TIAL1: variants seen among roughly 807,000 people sequenced by gnomAD.
TIAL1 encodes nucleolysin TIAR.
TIAL1 carries 7 observed loss-of-function variants against 59.7 expected under a neutral mutation model. The observed-to-expected ratio is 0.12, with a 90% CI of 0.07 to 0.22. TIAL1 has a LOEUF of 0.22. Among genes scored for constraint, TIAL1 ranks in the 10% least tolerant of loss-of-function variants. The pLI is 1.00. For synonymous variants in TIAL1, 149 were observed against 146.3 expected (o/e 1.02, Z -0.13); for missense variants, 225 against 462.5 (o/e 0.49, Z 4.71).
intron 1 of TIAL1, among the ~76,000 whole-genome samples, chr10:119,592,728 C>A (rs948417077): frequency 1.3e-5 from 2 of 151,894 alleles, no homozygotes; most frequent in Non-Finnish European, 2.9e-5. Flanking sequence ...GCAGGAGGTA[C>A]AACTAAATTG....
chr10:119,578,933 C>T lies in TIAL1; in HGVS notation c.448-99G>A, dbSNP rs369923671. The stretch of plus-strand genomic sequence containing the variant: ...TCGGCGCTGCTGGTTCCATACAAAT[C>T]AGTAGATGAATTTACTAAATATCCT... On this transcript the variant is annotated intron_variant, in intron 6 of 11. Transcript: ENST00000436547. 2.7e-5 allele frequency: 23 copies of T among 854,796 alleles called. No homozygotes were observed. In the East Asian group the frequency reaches 5.6e-4, roughly 21 times the overall value. The allele number at this position is 854,796 out of a possible 1,614,324, so 53.0% of individuals were successfully genotyped here. A position where few individuals can be genotyped will look rare whatever the true frequency, so the allele number is the denominator to read the frequency against.
At chr10:119,579,835 A>G in intron 6 of TIAL1, 100 bp downstream of exon 6, 1 of 834,960 alleles carries the variant, frequency 1.2e-6, no homozygotes, top group Non-Finnish European at 1.8e-6. Context: ...TTGTGTTTGT[A>G]GTTAACATTC....
chr10:119,588,983 A>T (rs980571999), intron 1 of TIAL1, among the ~76,000 whole-genome samples: 1 of 152,216 alleles, frequency 6.6e-6, no homozygotes, highest in Non-Finnish European at 1.5e-5. Flanking sequence ...TTGTAATAGG[A>T]TATTAAACAT....
chr10:119,580,410 A>C (rs1246286315), intron 5 of TIAL1: 3 of 731,486 alleles, frequency 4.1e-6, no homozygotes, highest in Non-Finnish European at 5.1e-6. Context: ...CTAGTGATAC[A>C]AAATATATGA....
At chr10:119,584,428 T>C (rs1251783200) in intron 2 of TIAL1, among the ~76,000 whole-genome samples, 1 of 151,984 alleles carries the variant, frequency 6.6e-6, no homozygotes, top group African/African-American at 2.4e-5. Flanking sequence ...ATTTTTCACA[T>C]ACTGAAATGA....
intron 1 of TIAL1, among the ~76,000 whole-genome samples, chr10:119,590,915 T>C (rs183213539): frequency 6.6e-6 from 1 of 152,330 alleles, no homozygotes; most frequent in East Asian, 1.9e-4. Context: ...TGGATAAAAC[T>C]GGTTTTCACA....
At chr10:119,589,419 T>C (rs766883139) in intron 1 of TIAL1, among the ~76,000 whole-genome samples, 5 of 152,192 alleles carry the variant, frequency 3.3e-5, no homozygotes, top group Non-Finnish European at 7.3e-5. Flanking sequence ...TTGGCCTGGC[T>C]GGTCTCAAAC....
At chr10:119,578,673 T>C (rs564871499) in intron 7 of TIAL1, 53 bp downstream of exon 7, 3 of 1,403,982 alleles carry the variant, frequency 2.1e-6, no homozygotes, top group East Asian at 2.3e-5. Flanking sequence ...GAATACATGA[T>C]ACATGATTTT....
chr10:119,594,927 G>T (rs1410319277), intron 1 of TIAL1, among the ~76,000 whole-genome samples: 3 of 152,132 alleles, frequency 2.0e-5, no homozygotes, highest in Non-Finnish European at 4.4e-5. Context: ...CCGGCCTGAA[G>T]GACAAATTTC....
At position 119,577,220 on chromosome 10, in the gene TIAL1, A is replaced by G. The variant is rs1845043030; in HGVS notation, c.738-17T>C. 4.4e-6 allele frequency: 7 copies of G among 1,592,698 alleles called. No homozygotes were observed. The Admixed American group carries it at 5.6e-5, about 13-fold the overall frequency. On this transcript the variant is annotated splice_polypyrimidine_tract_variant and intron_variant, in intron 9 of 11. Transcript: ENST00000436547. Reference sequence around the variant, plus strand: ...GTTGAAAATCTAAGAAAGAAAAATGATATGGTTTTGTCTTTTATTTTTTAA... The same window carrying G: ...GTTGAAAATCTAAGAAAGAAAAATGGTATGGTTTTGTCTTTTATTTTTTAA...
intron 2 of TIAL1, among the ~76,000 whole-genome samples, chr10:119,587,784 CATA>C (rs1411057959): frequency 2.0e-5 from 3 of 152,186 alleles, no homozygotes; most frequent in South Asian, 2.1e-4. Context: ...ACACTACACA[CATA>C]ATAACTTCGT....
At chr10:119,588,368 A>C (rs1163374865) in intron 1 of TIAL1, 120 bp from the exon 2 acceptor site, 2 of 553,528 alleles carry the variant, frequency 3.6e-6, no homozygotes, top group African/African-American at 4.0e-5. Flanking sequence ...TTTTAGATGG[A>C]GTTTTGCTCT....
chr10:119,575,335 A>G lies in TIAL1; in HGVS notation c.*330T>C, dbSNP rs144276430. 2 of 214,552 alleles carry G rather than the reference A, an allele frequency of 9.3e-6. No homozygotes were observed. Among genetic ancestry groups the G allele is most frequent in the East Asian group, 1.5e-4 (1 of 6,480 alleles). 13.3% of individuals were successfully genotyped at this position (214,552 alleles called of 1,614,324 possible). ...CAGTGAGTTAAAATACTGAACAGCA[A>G]GATAAAAATGGAATAGTATCTAAGA... On this transcript the variant is annotated 3_prime_UTR_variant, in exon 12 of 12. Transcript: ENST00000436547.
chr10:119,578,589 C>G (rs1453656520), intron 7 of TIAL1, 137 bp downstream of exon 7: 2 of 724,360 alleles, frequency 2.8e-6, no homozygotes, highest in Non-Finnish European at 4.7e-6. Context: ...TAAGATCATG[C>G]CACCGCACTC....
intron 6 of TIAL1, 49 bp downstream of exon 6, chr10:119,579,883 CTAA>C: frequency 7.1e-7 from 1 of 1,416,596 alleles, no homozygotes; most frequent in Middle Eastern, 1.8e-4. Context: ...CATTAAGTAA[CTAA>C]TGACTAAATT....
In TIAL1 at chr10:119,575,778, CAGA is replaced by C. The variant is rs769557645; in HGVS notation, c.1012_1014del (p.Ser338del). 3 of 1,544,036 alleles carry C rather than the reference CAGA, an allele frequency of 1.9e-6. No homozygotes were observed. Among genetic ancestry groups the C allele is most frequent in the Admixed American group, 2.2e-5 (1 of 44,858 alleles). On this transcript the variant is annotated inframe_deletion, in exon 12 of 12. Coordinates refer to ENST00000436547, the MANE Select transcript of TIAL1 (RefSeq NM_003252.4). ...GCACCAAATCCACCCATCCAAGCAG[CAGA>C]AGGTGATTGACTTGGAAGAAAAAGA...
At chr10:119,580,141 C>A in intron 5 of TIAL1, 131 bp from the exon 6 acceptor site, 2 of 655,980 alleles carry the variant, frequency 3.0e-6, no homozygotes, top group South Asian at 2.7e-5. Context: ...TAACTACAAC[C>A]ATTCCTGAAC....
chr10:119,584,593 G>A (rs1054494805), intron 2 of TIAL1, among the ~76,000 whole-genome samples: 1 of 152,138 alleles, frequency 6.6e-6, no homozygotes, highest in Non-Finnish European at 1.5e-5. Flanking sequence ...TTGGAAGGCT[G>A]AGGCAGCTGG....
In TIAL1 at chr10:119,578,714, G is replaced by C; in HGVS notation, c.556+12C>G. 1 of 1,586,398 alleles carries C rather than the reference G, an allele frequency of 6.3e-7. No homozygotes were observed. The highest frequency in any genetic ancestry group is 8.7e-7 in the Non-Finnish European group (1 of 1,154,658). On this transcript the variant is annotated intron_variant, in intron 7 of 11. Transcript: ENST00000436547. ...GAATATAATTTTAACACACACAGTG[G>C]ACATATCTTACTTTCTTGTGTACTT...
Sources: gnomAD v4.1 joint callset for allele counts (sites outside exome capture counted in the v4.1 genomes callset) on GRCh38, gnomAD v4.1.1 for gene constraint, MANE v1.5 for transcripts, NCBI Gene and HGNC (gene_info 2026-07-23, HGNC 2026-07-21) for gene names.